The following PLD5 variants were observed in gnomAD, a reference collection of about 807,000 sequenced individuals.
The protein encoded by PLD5 is phospholipase D family member 5.
PLD5 carries 36 observed loss-of-function variants against 61.1 expected under a neutral mutation model. The observed-to-expected ratio is 0.59, with a 90% CI of 0.45 to 0.78. PLD5 has a LOEUF of 0.78. Ranked by LOEUF, PLD5 falls within the 30% of genes least tolerant of loss-of-function variation. The pLI is 0.00. For missense variants in PLD5, 515 were observed against 644.4 expected, an observed-to-expected ratio of 0.80 and a Z score of 2.17; for synonymous variants, 243 against 242.8, an observed-to-expected ratio of 1.00 and a Z score of -0.01.
chr1:242,191,880 G>A (rs1171451591), intron 5 of PLD5, among the ~76,000 whole-genome samples: 2 of 152,160 alleles, frequency 1.3e-5, no homozygotes, highest in East Asian at 3.9e-4. Context: ...GTGAGGTCTT[G>A]GGTGATAGAG....
chr1:242,411,457 G>A (rs570155030), intron 1 of PLD5, among the ~76,000 whole-genome samples: 20 of 152,066 alleles, frequency 1.3e-4, no homozygotes, highest in Admixed American at 3.3e-4. Flanking sequence ...GGGTGGTCTC[G>A]ATCTCCTGAC....
At position 242,085,545 on chromosome 1, in the gene PLD5, A is replaced by T. The variant is rs1207422600; in HGVS notation, c.*4309T>A. 2 of 152,212 alleles carry T rather than the reference A, an allele frequency of 1.3e-5. No homozygotes were observed. The highest frequency in any genetic ancestry group is 2.4e-5 in the African/African-American group (1 of 41,446). 9.4% of individuals were successfully genotyped at this position (152,212 alleles called of 1,614,324 possible). A position where few individuals can be genotyped will look rare whatever the true frequency, so the allele number is the denominator to read the frequency against. ...CAGCTATTTTGTTAACAACATATAA[A>T]AGGAAAATGAAAGATGCTAATCCAA... On this transcript the variant is annotated 3_prime_UTR_variant, in exon 10 of 10. Coordinates refer to ENST00000536534, the MANE Select transcript of PLD5 (RefSeq NM_001372062.1).
intron 2 of PLD5, among the ~76,000 whole-genome samples, chr1:242,328,441 A>G (rs1658955899): frequency 1.3e-5 from 2 of 152,144 alleles, no homozygotes; most frequent in Non-Finnish European, 2.9e-5. Flanking sequence ...TGTTCTACAT[A>G]CATGTGTTGT....
intron 1 of PLD5, among the ~76,000 whole-genome samples, chr1:242,430,473 C>A (rs539000516): frequency 6.6e-6 from 1 of 152,216 alleles, no homozygotes; most frequent in East Asian, 1.9e-4. Context: ...AAGGACACAC[C>A]TCCAAAGAGC....
chr1:242,422,602 A>G (rs1665204768), intron 1 of PLD5, among the ~76,000 whole-genome samples: 1 of 152,154 alleles, frequency 6.6e-6, no homozygotes, highest in South Asian at 2.1e-4. Context: ...CACAAGTTAC[A>G]TTACACTCTG....
intron 1 of PLD5, among the ~76,000 whole-genome samples, chr1:242,518,331 G>T (rs570589348): frequency 6.6e-6 from 1 of 152,118 alleles, no homozygotes; most frequent in African/African-American, 2.4e-5. Context: ...CAACATTTAC[G>T]TTGTACCCTA....
chr1:242,089,577 C>T lies in PLD5; in HGVS notation c.*277G>A. On this transcript the variant is annotated 3_prime_UTR_variant, in exon 10 of 10. Transcript: ENST00000536534. ...AAAAAGTTCTAAAACTAGAAAGGAG[C>T]AGGAATGAAAGTCTTAAAATTTGTA... 3 of 535,008 alleles carry T rather than the reference C, an allele frequency of 5.6e-6. No individual in the cohort carries two copies. The highest frequency in any genetic ancestry group is 6.5e-6 in the Non-Finnish European group (2 of 308,106). 33.1% of individuals were successfully genotyped at this position (535,008 alleles called of 1,614,324 possible).
chr1:242,476,901 C>T (rs1175200406), intron 1 of PLD5, among the ~76,000 whole-genome samples: 1 of 152,090 alleles, frequency 6.6e-6, no homozygotes, highest in Non-Finnish European at 1.5e-5. Flanking sequence ...GGAAGAGCCA[C>T]AGAAGAAATA....
chr1:242,405,109 G>C (rs1427134491), intron 1 of PLD5, among the ~76,000 whole-genome samples: 1 of 151,898 alleles, frequency 6.6e-6, no homozygotes, highest in Non-Finnish European at 1.5e-5. Flanking sequence ...TTGAACTCCT[G>C]ACCTCCAGTG....
At chr1:242,523,343 G>GTT (rs112208579) in intron 1 of PLD5, among the ~76,000 whole-genome samples, 5 of 147,084 alleles carry the variant, frequency 3.4e-5, no homozygotes, top group Non-Finnish European at 6.0e-5. Flanking sequence ...TTTTTAGAAG[G>GTT]TTTTTTTTTT....
At chr1:242,407,854 G>A (rs1664330225) in intron 1 of PLD5, among the ~76,000 whole-genome samples, 1 of 152,148 alleles carries the variant, frequency 6.6e-6, no homozygotes, top group Non-Finnish European at 1.5e-5. Context: ...TGGGATTACA[G>A]GTGTGAGCCA....
rs1558528048 is a variant in PLD5 at position 242,395,007 on chromosome 1, A to ATATATATGAATATATATG, written c.190-46783_190-46766dup. 1.3e-4 allele frequency among the ~76,000 whole-genome samples: 13 copies of ATATATATGAATATATATG among 98,588 alleles called. 2 individuals are homozygous for ATATATATGAATATATATG. The highest frequency in any genetic ancestry group is 4.9e-4 in the African/African-American group (12 of 24,534). The allele number at this position is 98,588 out of a possible 152,430, so 64.7% of individuals were successfully genotyped here. A position where few individuals can be genotyped will look rare whatever the true frequency, so the allele number is the denominator to read the frequency against. On this transcript the variant is annotated intron_variant, in intron 1 of 9. Transcript: ENST00000536534. ...TATATGAATATATATGTATATATGA[A>ATATATATGAATATATATG]TATATATGAATATATATGTATATAT...
intron 5 of PLD5, among the ~76,000 whole-genome samples, chr1:242,190,379 C>T (rs771716367): frequency 1.6e-4 from 25 of 151,856 alleles, no homozygotes; most frequent in Non-Finnish European, 2.4e-4. Context: ...ATCTCCTGAC[C>T]GCGTGATCCG....
At chr1:242,212,480 G>A (rs796078595) in intron 5 of PLD5, among the ~76,000 whole-genome samples, 2 of 152,224 alleles carry the variant, frequency 1.3e-5, no homozygotes, top group Non-Finnish European at 2.9e-5. Flanking sequence ...GCCAACAGAT[G>A]CTCCCAGGAA....
intron 7 of PLD5, among the ~76,000 whole-genome samples, chr1:242,112,029 G>A (rs374007699): frequency 3.0e-4 from 45 of 152,158 alleles, no homozygotes; most frequent in African/African-American, 1.1e-3. Flanking sequence ...ATGGAACAAA[G>A]GTTTTGTCAA....
intron 1 of PLD5, among the ~76,000 whole-genome samples, chr1:242,481,098 T>C (rs921368785): frequency 2.0e-5 from 3 of 152,146 alleles, no homozygotes; most frequent in Non-Finnish European, 2.9e-5. Context: ...GATGGCCGAA[T>C]AGGAACTGCT....
intron 1 of PLD5, among the ~76,000 whole-genome samples, chr1:242,498,157 G>T (rs1470020439): frequency 1.6e-4 from 24 of 152,076 alleles, no homozygotes. Flanking sequence ...TAGAGACAGG[G>T]TTTCACCATG....
intron 4 of PLD5, among the ~76,000 whole-genome samples, chr1:242,249,121 AAAACT>A: frequency 6.6e-6 from 1 of 152,226 alleles, no homozygotes; most frequent in Non-Finnish European, 1.5e-5. Context: ...GTCTCAAAAC[AAAACT>A]AAACATAACT....
At chr1:242,223,775 AT>A (rs1670754124) in intron 4 of PLD5, among the ~76,000 whole-genome samples, 1 of 152,082 alleles carries the variant, frequency 6.6e-6, no homozygotes, top group Admixed American at 6.5e-5. Flanking sequence ...CTGTTTTTCT[AT>A]CTAAATATTG....
Sources: gnomAD v4.1 joint callset for allele counts (sites outside exome capture counted in the v4.1 genomes callset) on GRCh38, gnomAD v4.1.1 for gene constraint, MANE v1.5 for transcripts, NCBI Gene and HGNC (gene_info 2026-07-23, HGNC 2026-07-21) for gene names.